Variants in C1QTNF3 observed in about 807,000 individuals in gnomAD.
The protein encoded by C1QTNF3 is C1q and TNF related 3.
C1QTNF3 carries 26 observed loss-of-function variants against 32.6 expected under a neutral mutation model. The observed-to-expected ratio is 0.80, with a 90% CI of 0.58 to 1.11. The LOEUF (loss-of-function observed/expected upper bound fraction) is 1.11. C1QTNF3 is among the 50% of genes least tolerant of loss of function. The pLI is 0.00. For missense variants in C1QTNF3, 362 were observed against 398.2 expected, an observed-to-expected ratio of 0.91 and a Z score of 0.77; for synonymous variants, 155 against 146.0, an observed-to-expected ratio of 1.06 and a Z score of -0.44.
At chr5:34,144,939 C>A in the C1QTNF3 span, among the ~76,000 whole-genome samples, 2 of 152,012 alleles carry the variant, frequency 1.3e-5, no homozygotes, top group African/African-American at 4.8e-5. Context: ...ACCAGCCTGG[C>A]CAACATGGTG....
chr5:34,044,087 T>A (rs1043811473), upstream of C1QTNF3, among the ~76,000 whole-genome samples: 2 of 151,988 alleles, frequency 1.3e-5, no homozygotes, highest in Non-Finnish European at 2.9e-5. Context: ...AAAAAATAAA[T>A]AAATAACAAA....
chr5:34,103,313 TAGAGAG>T, the C1QTNF3 span, among the ~76,000 whole-genome samples: 25 of 152,160 alleles, frequency 1.6e-4, no homozygotes, highest in Admixed American at 4.6e-4. Flanking sequence ...TTCTACTTTT[TAGAGAG>T]AAAGTCTTGC....
the C1QTNF3 span, among the ~76,000 whole-genome samples, chr5:34,210,824 A>G: frequency 2.6e-5 from 4 of 152,114 alleles, no homozygotes; most frequent in Non-Finnish European, 5.9e-5. Flanking sequence ...TTTTAATTAT[A>G]TAATTTTCTT....
At chr5:34,136,316 A>C in the C1QTNF3 span, among the ~76,000 whole-genome samples, 1 of 152,250 alleles carries the variant, frequency 6.6e-6, no homozygotes, top group Admixed American at 6.5e-5. Flanking sequence ...AAAAACAAAC[A>C]ACCCCATCCA....
intron 3 of C1QTNF3, among the ~76,000 whole-genome samples, chr5:34,029,205 C>A (rs192912011): frequency 6.6e-6 from 1 of 152,188 alleles, no homozygotes; most frequent in Admixed American, 6.5e-5. Context: ...CCGAGAAATG[C>A]ACATTAGCAA....
At chr5:34,071,792 C>T in the C1QTNF3 span, among the ~76,000 whole-genome samples, 159 of 152,050 alleles carry the variant, frequency 1.0e-3, no homozygotes, top group African/African-American at 3.7e-3. Context: ...AGAAATATTG[C>T]TGAGAAAAGA....
the C1QTNF3 span, among the ~76,000 whole-genome samples, chr5:34,227,375 T>C: frequency 6.6e-6 from 1 of 152,006 alleles, no homozygotes; most frequent in Admixed American, 6.6e-5. Flanking sequence ...ATGCTCTGTG[T>C]GTGCCTACGT....
chr5:34,226,875 T>G, the C1QTNF3 span, among the ~76,000 whole-genome samples: 1 of 151,250 alleles, frequency 6.6e-6, no homozygotes, highest in Admixed American at 6.6e-5. Flanking sequence ...GTATATTTAT[T>G]TCTCTCATAA....
Position 34,020,750 on chromosome 5 carries a change from G to A in C1QTNF3, c.801-8C>T. 1 of 1,606,496 alleles carries A rather than the reference G, an allele frequency of 6.2e-7. No individual in the cohort carries two copies. Among genetic ancestry groups the A allele is most frequent in the Non-Finnish European group, 8.5e-7 (1 of 1,175,776 alleles). ...TTGCCCTTCATTTCATAGCTGGAAA[G>A]AAAAAGAGGAACAAACTACTTAGTT... On this transcript the variant is annotated splice_region_variant and splice_polypyrimidine_tract_variant and intron_variant, in intron 5 of 5. Transcript: ENST00000382065.
the C1QTNF3 span, among the ~76,000 whole-genome samples, chr5:34,157,728 T>C: frequency 2.6e-5 from 4 of 152,172 alleles, no homozygotes. Context: ...CTAGAAGCTG[T>C]AAAAGTCAAG....
chr5:34,195,626 G>T, the C1QTNF3 span, among the ~76,000 whole-genome samples: 3 of 152,220 alleles, frequency 2.0e-5, no homozygotes, highest in Non-Finnish European at 2.9e-5. Flanking sequence ...TGGATCACGA[G>T]GTCAGGAGAT....
chr5:34,089,020 C>T, the C1QTNF3 span, among the ~76,000 whole-genome samples: 1 of 151,826 alleles, frequency 6.6e-6, no homozygotes, highest in African/African-American at 2.4e-5. Flanking sequence ...GAGACAGAGA[C>T]AGATTAATTT....
the C1QTNF3 span, among the ~76,000 whole-genome samples, chr5:34,118,758 G>A: frequency 6.6e-6 from 1 of 151,722 alleles, no homozygotes; most frequent in Admixed American, 6.6e-5. Flanking sequence ...TGTCTGATTT[G>A]GATCTCCTTG....
chr5:34,057,491 T>G, the C1QTNF3 span, among the ~76,000 whole-genome samples: 1 of 152,218 alleles, frequency 6.6e-6, no homozygotes. Flanking sequence ...TCATCCCACA[T>G]GCCATGAGGA....
At chr5:34,243,707 G>C in the C1QTNF3 span, among the ~76,000 whole-genome samples, 1 of 151,674 alleles carries the variant, frequency 6.6e-6, no homozygotes, top group Non-Finnish European at 1.5e-5. Context: ...GCAAATTAGT[G>C]CTGGAAAAGA....
chr5:34,159,619 T>A, the C1QTNF3 span, among the ~76,000 whole-genome samples: 2 of 152,034 alleles, frequency 1.3e-5, no homozygotes, highest in African/African-American at 4.8e-5. Context: ...ATTTTTAAAA[T>A]TTAACTTTTG....
chr5:34,059,516 G>C, the C1QTNF3 span, among the ~76,000 whole-genome samples: 1 of 152,082 alleles, frequency 6.6e-6, no homozygotes. Flanking sequence ...CCTGCTTCCT[G>C]GTCTATAGAC....
upstream of C1QTNF3, among the ~76,000 whole-genome samples, chr5:34,046,626 C>G (rs2112130955): frequency 6.6e-6 from 1 of 152,330 alleles, no homozygotes; most frequent in South Asian, 2.1e-4. Flanking sequence ...ACCTTGATCT[C>G]AGACGTTGAG....
At chr5:34,026,428 T>G (rs1754459473) in intron 4 of C1QTNF3, among the ~76,000 whole-genome samples, 1 of 137,908 alleles carries the variant, frequency 7.3e-6, no homozygotes, top group South Asian at 2.2e-4. Flanking sequence ...AAAGAGGACC[T>G]GCAGTGGCCA....
Sources: gnomAD v4.1 joint callset for allele counts (sites outside exome capture counted in the v4.1 genomes callset) on GRCh38, gnomAD v4.1.1 for gene constraint, MANE v1.5 for transcripts, NCBI Gene and HGNC (gene_info 2026-07-23, HGNC 2026-07-21) for gene names.